Variants in SNAP25 observed in about 807,000 individuals in gnomAD.
SNAP25 encodes the protein synaptosomal-associated protein 25.
SNAP25 carries 3 observed loss-of-function variants against 28.7 expected under a neutral mutation model. That is an observed-to-expected ratio of 0.10 (90% confidence interval 0.05 to 0.27). SNAP25 has a LOEUF of 0.27. Among genes scored for constraint, SNAP25 ranks in the 10% least tolerant of loss-of-function variants. SNAP25 has a pLI of 1.00. For missense variants in SNAP25, 117 were observed against 278.7 expected (o/e 0.42, Z 4.13); for synonymous variants, 61 against 88.1 (o/e 0.69, Z 1.72).
rs41306792 is a variant in SNAP25, at chr20:10,275,483, A to G, written c.-9A>G. The G allele has an allele frequency of 3.3e-3, 5,311 of 1,599,682 alleles. 68 individuals are homozygous for G. In the African/African-American group the frequency reaches 0.039, roughly 12 times the overall value. Reference sequence around the variant, plus strand: ...CAGCCCAGGCGCCCAGCCACTCCCCACCGCTACCATGGCCGAAGACGCAGA... The same window carrying G: ...CAGCCCAGGCGCCCAGCCACTCCCCGCCGCTACCATGGCCGAAGACGCAGA... On this transcript the variant is annotated 5_prime_UTR_variant, in exon 2 of 8. Coordinates refer to ENST00000254976, the MANE Select transcript of SNAP25 (RefSeq NM_130811.4).
intron 5 of SNAP25, among the ~76,000 whole-genome samples, chr20:10,294,754 G>T (rs1293050210): frequency 6.7e-6 from 1 of 148,436 alleles, no homozygotes; most frequent in Non-Finnish European, 1.5e-5. Flanking sequence ...TTCCTCCATG[G>T]CCCCACTGTT....
At position 10,224,257 on chromosome 20, in the gene SNAP25, C is replaced by CTTTTTTTTTTTTTTTTTTTTTTTT. The variant is rs71332917; in HGVS notation, c.-64+5292_-64+5315dup. 1.1e-3 allele frequency among the ~76,000 whole-genome samples: 20 copies of CTTTTTTTTTTTTTTTTTTTTTTTT among 17,432 alleles called. 7 individuals are homozygous for CTTTTTTTTTTTTTTTTTTTTTTTT. The highest frequency in any genetic ancestry group is 8.5e-3 in the South Asian group (2 of 236). The allele number at this position is 17,432 out of a possible 152,430, so 11.4% of individuals were successfully genotyped here. A position where few individuals can be genotyped will look rare whatever the true frequency, so the allele number is the denominator to read the frequency against. ...AATAAGGCATAGAGAATGTACATGT[C>CTTTTTTTTTTTTTTTTTTTTTTTT]TTTTTTTTTTTTTTTTTTTTTTTTT... On this transcript the variant is annotated intron_variant, in intron 1 of 7. Coordinates refer to ENST00000254976, the MANE Select transcript of SNAP25 (RefSeq NM_130811.4).
chr20:10,293,313 C>T lies in SNAP25; in HGVS notation c.281+35C>T. The T allele has an allele frequency of 2.0e-6, 3 of 1,524,980 alleles. No individual in the cohort carries two copies. The highest frequency in any genetic ancestry group is 1.8e-6 in the Non-Finnish European group (2 of 1,099,244). The allele number at this position is 1,524,980 out of a possible 1,614,324, so 94.5% of individuals were successfully genotyped here. On this transcript the variant is annotated intron_variant, in intron 5 of 7. Transcript: ENST00000254976. This position sits in a 1 kb window ranked among gnomAD's most constrained non-coding sequence, Gnocchi z 5.6. The stretch of plus-strand genomic sequence containing the variant: ...GCCTGCCTGCCTGAAGCTTTGATTT[C>T]CCAAGGCCCATCTCCAAGCCTTGAC...
intron 4 of SNAP25, among the ~76,000 whole-genome samples, chr20:10,285,592 C>A (rs771824349): frequency 2.0e-5 from 3 of 152,068 alleles, no homozygotes; most frequent in Non-Finnish European, 4.4e-5. Context: ...TTTTTGGAGT[C>A]ATGACTATTT....
chr20:10,223,168 G>A (rs2062665141), intron 1 of SNAP25, among the ~76,000 whole-genome samples: 1 of 152,184 alleles, frequency 6.6e-6, no homozygotes, highest in African/African-American at 2.4e-5. Context: ...TGAAAAACTG[G>A]AATGGGTAGT....
intron 1 of SNAP25, among the ~76,000 whole-genome samples, chr20:10,268,905 G>A (rs1050822899): frequency 6.6e-5 from 10 of 152,020 alleles, no homozygotes; most frequent in Non-Finnish European, 1.5e-4. Context: ...AGATGTTTCT[G>A]TCTCCCACCA....
At chr20:10,285,870 G>C (rs1177868965) in intron 4 of SNAP25, among the ~76,000 whole-genome samples, 1 of 152,176 alleles carries the variant, frequency 6.6e-6, no homozygotes, top group African/African-American at 2.4e-5. Flanking sequence ...TTTTAGAGCA[G>C]ACTGGCATAA....
chr20:10,302,995 G>A (rs973776070), intron 7 of SNAP25, among the ~76,000 whole-genome samples: 3 of 152,066 alleles, frequency 2.0e-5, no homozygotes, highest in African/African-American at 7.2e-5. Context: ...AATATCCCCA[G>A]GTGAAGGCCC....
chr20:10,295,202 C>T (rs566156556), intron 5 of SNAP25, among the ~76,000 whole-genome samples: 6 of 152,304 alleles, frequency 3.9e-5, no homozygotes, highest in East Asian at 1.9e-4. Context: ...TTTCAAGGGA[C>T]GATGGTAGAT....
chr20:10,299,968 A>G (rs2064196364), intron 7 of SNAP25, among the ~76,000 whole-genome samples: 2 of 152,244 alleles, frequency 1.3e-5, no homozygotes, highest in Non-Finnish European at 2.9e-5. Flanking sequence ...CAGTATAGCC[A>G]GGACATGATT....
intron 7 of SNAP25, among the ~76,000 whole-genome samples, chr20:10,303,457 T>C (rs1288531783): frequency 2.0e-5 from 3 of 152,212 alleles, no homozygotes; most frequent in East Asian, 1.9e-4. Context: ...TGCAAATTTC[T>C]ATTTGAACAT....
chr20:10,284,310 T>C (rs1202242264), intron 3 of SNAP25, among the ~76,000 whole-genome samples: 2 of 152,230 alleles, frequency 1.3e-5, no homozygotes, highest in African/African-American at 4.8e-5. Context: ...ATGAAGACTT[T>C]CTGATAGATA....
At chr20:10,246,624 C>T (rs2063133568) in intron 1 of SNAP25, among the ~76,000 whole-genome samples, 1 of 152,166 alleles carries the variant, frequency 6.6e-6, no homozygotes, top group Non-Finnish European at 1.5e-5. Context: ...AAAAAACTCA[C>T]TTTGCAGACA....
At chr20:10,283,180 T>A (rs2063810454) in intron 3 of SNAP25, among the ~76,000 whole-genome samples, 1 of 152,258 alleles carries the variant, frequency 6.6e-6, no homozygotes, top group African/African-American at 2.4e-5. Context: ...ATTTTCTGAA[T>A]ATATTTATTT....
At chr20:10,235,887 C>T (rs1318338634) in intron 1 of SNAP25, among the ~76,000 whole-genome samples, 3 of 152,156 alleles carry the variant, frequency 2.0e-5, no homozygotes, top group Admixed American at 1.3e-4. Context: ...AGAGAACAAG[C>T]CCCAATGTGC....
intron 5 of SNAP25, chr20:10,296,642 G>T: frequency 5.0e-6 from 2 of 401,078 alleles, no homozygotes; most frequent in Non-Finnish European, 9.1e-6. Flanking sequence ...CTTAATCCTT[G>T]TCCAAAATCC....
At chr20:10,253,260 G>C (rs2063262459) in intron 1 of SNAP25, among the ~76,000 whole-genome samples, 2 of 152,108 alleles carry the variant, frequency 1.3e-5, no homozygotes, top group Admixed American at 6.5e-5. Flanking sequence ...TTTTAGACTA[G>C]GATTCACCAG....
At chr20:10,283,123 G>A (rs746866382) in intron 3 of SNAP25, among the ~76,000 whole-genome samples, 2 of 152,162 alleles carry the variant, frequency 1.3e-5, no homozygotes, top group Non-Finnish European at 2.9e-5. Flanking sequence ...TCAGATACTC[G>A]ATAATGATGA....
intron 1 of SNAP25, chr20:10,219,555 C>G (rs952486928): frequency 4.6e-5 from 7 of 151,404 alleles, no homozygotes; most frequent in Non-Finnish European, 7.4e-5. Context: ...CGGGTCGTGC[C>G]GGGTGGGAGG....
Sources: allele counts gnomAD v4.1 joint callset (sites outside exome capture counted in the v4.1 genomes callset), GRCh38; gene constraint gnomAD v4.1.1; non-coding constraint Gnocchi (gnomAD v3.1); transcripts MANE v1.5; gene names NCBI Gene and HGNC (gene_info 2026-07-23, HGNC 2026-07-21).